SLC8A1: variants seen among roughly 807,000 people sequenced by gnomAD.
The protein encoded by SLC8A1 is sodium/calcium exchanger 1.
A neutral mutation model predicts 68.3 loss-of-function variants in SLC8A1; 18 were observed. That is an observed-to-expected ratio of 0.26 (90% CI 0.18 to 0.39). The LOEUF (loss-of-function observed/expected upper bound fraction) is 0.39. Ranked by LOEUF, SLC8A1 falls within the 10% of genes least tolerant of loss-of-function variation. The pLI, the probability that SLC8A1 is intolerant of heterozygous loss-of-function variation, is 1.00. For synonymous variants in SLC8A1, 475 were observed against 415.5 expected (o/e 1.14, Z -1.74); for missense variants, 985 against 1,156.7 (o/e 0.85, Z 2.15).
chr2:40,331,457 C>G (rs1380391748), intron 2 of SLC8A1, among the ~76,000 whole-genome samples: 1 of 152,090 alleles, frequency 6.6e-6, no homozygotes, highest in Non-Finnish European at 1.5e-5. Context: ...GTAAAGAACA[C>G]TCCCGGGAGA....
At chr2:40,256,945 C>T (rs984359009) in intron 2 of SLC8A1, among the ~76,000 whole-genome samples, 1 of 152,032 alleles carries the variant, frequency 6.6e-6, no homozygotes, top group African/African-American at 2.4e-5. Flanking sequence ...TAGGTGAGCC[C>T]ATCAGCAACT....
At chr2:40,468,659 G>A (rs1485463031) in intron 1 of SLC8A1, among the ~76,000 whole-genome samples, 3 of 152,012 alleles carry the variant, frequency 2.0e-5, no homozygotes, top group African/African-American at 7.2e-5. Flanking sequence ...TCAAACATAT[G>A]CAAAGCAGAA....
chr2:40,336,187 A>T (rs1665916072), intron 2 of SLC8A1, among the ~76,000 whole-genome samples: 1 of 152,210 alleles, frequency 6.6e-6, no homozygotes, highest in Non-Finnish European at 1.5e-5. Flanking sequence ...TTTATGTGGT[A>T]CCTTAAAGAC....
intron 2 of SLC8A1, among the ~76,000 whole-genome samples, chr2:40,343,858 G>A (rs952217973): frequency 1.3e-5 from 2 of 152,142 alleles, no homozygotes. Flanking sequence ...ATGATTGGAT[G>A]AGTCTTACAA....
At chr2:40,488,769 G>T (rs1243335439) in intron 1 of SLC8A1, among the ~76,000 whole-genome samples, 1 of 151,952 alleles carries the variant, frequency 6.6e-6, no homozygotes, top group Admixed American at 6.6e-5. Flanking sequence ...TGATTTCTTT[G>T]CTTGTCTGAG....
At chr2:40,265,569 A>T (rs1469021532) in intron 2 of SLC8A1, among the ~76,000 whole-genome samples, 1 of 152,190 alleles carries the variant, frequency 6.6e-6, no homozygotes, top group African/African-American at 2.4e-5. Context: ...TTTATTTCCC[A>T]TAGGTTCATG....
intron 1 of SLC8A1, among the ~76,000 whole-genome samples, chr2:40,465,239 A>G (rs571393653): frequency 7.2e-5 from 11 of 152,172 alleles, no homozygotes; most frequent in Non-Finnish European, 1.3e-4. Flanking sequence ...GTCTCCTACC[A>G]TAGACAATTG....
intron 1 of SLC8A1, among the ~76,000 whole-genome samples, chr2:40,468,267 T>C (rs1703809360): frequency 6.6e-6 from 1 of 152,172 alleles, no homozygotes; most frequent in Admixed American, 6.6e-5. Context: ...CTAACTTTAG[T>C]AAGCATTTAC....
At chr2:40,166,200 A>G (rs2148484125) in intron 4 of SLC8A1, among the ~76,000 whole-genome samples, 1 of 152,244 alleles carries the variant, frequency 6.6e-6, no homozygotes, top group African/African-American at 2.4e-5. Context: ...CTGCTGAGGG[A>G]CCACGCTATG....
chr2:40,168,199 G>A (rs1018175004), intron 4 of SLC8A1, among the ~76,000 whole-genome samples: 1 of 152,192 alleles, frequency 6.6e-6, no homozygotes, highest in Non-Finnish European at 1.5e-5. Flanking sequence ...GGGGACCAGG[G>A]TTGGGGAACA....
intron 2 of SLC8A1, among the ~76,000 whole-genome samples, chr2:40,427,123 TG>T (rs1697075043): frequency 1.3e-5 from 2 of 152,214 alleles, no homozygotes; most frequent in Admixed American, 1.3e-4. Flanking sequence ...CATCAGAAGA[TG>T]GATATTATAA....
At chr2:40,242,159 TGAGA>T (rs376412588) in intron 2 of SLC8A1, among the ~76,000 whole-genome samples, 1 of 151,866 alleles carries the variant, frequency 6.6e-6, no homozygotes, top group Admixed American at 6.6e-5. Flanking sequence ...TGTGTGTGTG[TGAGA>T]GAGAGACAGA....
At chr2:40,177,250 A>G (rs2048643154) in intron 3 of SLC8A1, among the ~76,000 whole-genome samples, 1 of 152,142 alleles carries the variant, frequency 6.6e-6, no homozygotes, top group Non-Finnish European at 1.5e-5. Context: ...ATATTTTTAA[A>G]CTGTGTTCTC....
Position 40,341,011 on chromosome 2 carries a change from T to C in SLC8A1, c.1808+87462A>G, listed in dbSNP as rs563808341. Among the ~76,000 whole-genome samples, 12 of 152,240 alleles carry C rather than the reference T, an allele frequency of 7.9e-5. No individual in the cohort carries two copies. In the South Asian group the frequency reaches 1.9e-3, roughly 24 times the overall value. ...ACTATGAACTGCTTTATGAGATCCA[T>C]AGTGGAGAAAGCATTTGAAGGAACG... On this transcript the variant is annotated intron_variant, in intron 2 of 7. Transcript: ENST00000406785.
intron 2 of SLC8A1, among the ~76,000 whole-genome samples, chr2:40,352,940 G>C (rs1235735775): frequency 6.6e-6 from 1 of 152,100 alleles, no homozygotes; most frequent in African/African-American, 2.4e-5. Flanking sequence ...CGAGAAACCA[G>C]GGAGGGTTTT....
At chr2:40,135,160 A>T (rs958605450) in intron 7 of SLC8A1, among the ~76,000 whole-genome samples, 8 of 152,242 alleles carry the variant, frequency 5.3e-5, no homozygotes, top group African/African-American at 1.9e-4. Context: ...CTGGAAAGAT[A>T]GGCAGGGGCC....
intron 2 of SLC8A1, among the ~76,000 whole-genome samples, chr2:40,246,359 G>A (rs1053239736): frequency 1.8e-4 from 28 of 152,300 alleles, no homozygotes; most frequent in African/African-American, 6.5e-4. Context: ...CTGCAATCAT[G>A]CAACTTTTGG....
At chr2:40,367,330 C>CACTG (rs1294929570) in intron 2 of SLC8A1, among the ~76,000 whole-genome samples, 1 of 152,054 alleles carries the variant, frequency 6.6e-6, no homozygotes, top group South Asian at 2.1e-4. Flanking sequence ...AATTCCCTGA[C>CACTG]ACTGACTGAC....
chr2:40,281,881 G>C (rs886576076), intron 2 of SLC8A1, among the ~76,000 whole-genome samples: 1 of 152,152 alleles, frequency 6.6e-6, no homozygotes, highest in Non-Finnish European at 1.5e-5. Context: ...GCTTTTTGAA[G>C]ACTCTGTCTT....
Sources: allele counts gnomAD v4.1 joint callset (sites outside exome capture counted in the v4.1 genomes callset), GRCh38; gene constraint gnomAD v4.1.1; transcripts MANE v1.5; gene names NCBI Gene and HGNC (gene_info 2026-07-23, HGNC 2026-07-21).